The following PAX7 variants were observed in gnomAD, a reference collection of about 807,000 sequenced individuals.
The protein encoded by PAX7 is paired box protein Pax-7.
PAX7 carries 18 observed loss-of-function variants against 50.7 expected under a neutral mutation model. The observed-to-expected ratio is 0.36, with a 90% confidence interval of 0.25 to 0.53. The LOEUF is 0.53. Among genes scored for constraint, PAX7 ranks in the 20% least tolerant of loss-of-function variants. The pLI is 0.93. For synonymous variants in PAX7, 310 were observed against 290.4 expected, an observed-to-expected ratio of 1.07 and a Z score of -0.69; for missense variants, 644 against 702.9, an observed-to-expected ratio of 0.92 and a Z score of 0.95.
intron 4 of PAX7, among the ~76,000 whole-genome samples, chr1:18,685,601 A>C (rs2088962907): frequency 6.6e-6 from 1 of 152,194 alleles, no homozygotes; most frequent in South Asian, 2.1e-4. Flanking sequence ...GGAAGAGGGA[A>C]GGCACTCTGA....
At chr1:18,686,167 C>T (rs1006222074) in intron 4 of PAX7, among the ~76,000 whole-genome samples, 2 of 152,214 alleles carry the variant, frequency 1.3e-5, no homozygotes, top group Admixed American at 6.5e-5. Flanking sequence ...AAGGTGATAC[C>T]TCCTCCATCT....
chr1:18,657,268 G>C (rs2088536041), intron 4 of PAX7, among the ~76,000 whole-genome samples: 1 of 151,986 alleles, frequency 6.6e-6, no homozygotes, highest in Non-Finnish European at 1.5e-5. Context: ...GCTCCCAGGA[G>C]AGGGGCTGGG....
At chr1:18,710,732 C>A (rs546432460) in intron 7 of PAX7, among the ~76,000 whole-genome samples, 1 of 151,136 alleles carries the variant, frequency 6.6e-6, no homozygotes, top group Admixed American at 6.6e-5. Context: ...ACAATTACCC[C>A]CTCCTTCACA....
chr1:18,724,979 G>A (rs1282891224), intron 7 of PAX7, among the ~76,000 whole-genome samples: 1 of 152,190 alleles, frequency 6.6e-6, no homozygotes, highest in Non-Finnish European at 1.5e-5. Flanking sequence ...AGGAGGGGCT[G>A]GCAGTCCGCC....
At chr1:18,728,220 A>C (rs928659052) in intron 7 of PAX7, among the ~76,000 whole-genome samples, 2 of 151,864 alleles carry the variant, frequency 1.3e-5, no homozygotes, top group Non-Finnish European at 2.9e-5. Flanking sequence ...TGGGTGCGTG[A>C]GGGTCTGTGT....
chr1:18,731,823 A>G (rs2089650824), intron 7 of PAX7, among the ~76,000 whole-genome samples: 1 of 152,122 alleles, frequency 6.6e-6, no homozygotes, highest in African/African-American at 2.4e-5. Flanking sequence ...TTACGGGAAA[A>G]GCTCCCTGGA....
chr1:18,695,495 G>A (rs920532071), intron 5 of PAX7, among the ~76,000 whole-genome samples: 1 of 152,182 alleles, frequency 6.6e-6, no homozygotes, highest in East Asian at 1.9e-4. Flanking sequence ...GGTCACCAAA[G>A]AGTGGCCTGT....
rs61357866 is a variant in PAX7, at chr1:18,725,993, TGCGC to T, written c.1156-9629_1156-9626del. Among the ~76,000 whole-genome samples, 800 of 148,632 alleles carry T rather than the reference TGCGC, an allele frequency of 5.4e-3. 7 individuals are homozygous for T. The highest frequency in any genetic ancestry group is 0.019 in the African/African-American group (758 of 40,632). On this transcript the variant is annotated intron_variant, in intron 7 of 8. Coordinates refer to ENST00000420770, the MANE Select transcript of PAX7 (RefSeq NM_001135254.2). ...GACATTGGAAGAGTGTGTGTGTGTG[TGCGC>T]GCGCGCGCGTGCGCGCGTGTGTGTG... is the stretch of plus-strand genomic sequence containing the variant.
rs1038330110 is a variant in PAX7, at chr1:18,631,293, A to C, written c.-311A>C. On this transcript the variant is annotated 5_prime_UTR_variant, in exon 1 of 9. Coordinates refer to ENST00000420770, the MANE Select transcript of PAX7 (RefSeq NM_001135254.2). ...TCTGCCAGGCGCATCAGCCCGCACAACTTCTGGCCGAGGCCAGCCGGCAGA... is the reference window on the plus strand; with the variant it reads ...TCTGCCAGGCGCATCAGCCCGCACACCTTCTGGCCGAGGCCAGCCGGCAGA... 18 of 295,544 alleles carry C rather than the reference A, an allele frequency of 6.1e-5. No individual in the cohort carries two copies. Among genetic ancestry groups the C allele is most frequent in the Non-Finnish European group, 1.1e-4 (17 of 157,484 alleles). 18.3% of individuals were successfully genotyped at this position (295,544 alleles called of 1,614,324 possible).
At chr1:18,656,938 G>A (rs2088531143) in intron 4 of PAX7, among the ~76,000 whole-genome samples, 1 of 152,102 alleles carries the variant, frequency 6.6e-6, no homozygotes, top group Admixed American at 6.5e-5. Context: ...GTTGCAGTGA[G>A]CCGTGATCAC....
rs2089570598 is a variant in PAX7, at chr1:18,726,257, A to G, written c.1156-9375A>G. 2.0e-5 allele frequency among the ~76,000 whole-genome samples: 3 copies of G among 152,024 alleles called. No individual in the cohort carries two copies. The highest frequency in any genetic ancestry group is 6.6e-5 in the Admixed American group (1 of 15,266). On this transcript the variant is annotated intron_variant, in intron 7 of 8. Transcript: ENST00000420770. The surrounding 1 kb of genome is among the most constrained non-coding windows in gnomAD (Gnocchi z 4.8). Reference sequence around the variant, plus strand: ...CCACCTCACCTCTAGACAGTCCTTAACTAAAAGCCTCCAAGGACCCCTGGA... The same window carrying G: ...CCACCTCACCTCTAGACAGTCCTTAGCTAAAAGCCTCCAAGGACCCCTGGA...
chr1:18,744,345 G>A (rs1931304819), intron 8 of PAX7, among the ~76,000 whole-genome samples: 1 of 152,072 alleles, frequency 6.6e-6, no homozygotes, highest in African/African-American at 2.4e-5. Context: ...CCAGGGAGCT[G>A]GGCACAAAAT....
At chr1:18,640,070 G>C (rs1023529484) in intron 4 of PAX7, among the ~76,000 whole-genome samples, 1 of 151,994 alleles carries the variant, frequency 6.6e-6, no homozygotes, top group African/African-American at 2.4e-5. Context: ...CATCTGAGGT[G>C]GGGGGAGGAT....
At chr1:18,687,629 C>G (rs904607219) in intron 4 of PAX7, among the ~76,000 whole-genome samples, 1 of 152,018 alleles carries the variant, frequency 6.6e-6, no homozygotes, top group African/African-American at 2.4e-5. Context: ...AGTGGATGCT[C>G]TTTTTTAGGG....
intron 8 of PAX7, among the ~76,000 whole-genome samples, chr1:18,742,272 C>T (rs1158198884): frequency 6.6e-6 from 1 of 151,418 alleles, no homozygotes; most frequent in Non-Finnish European, 1.5e-5. Flanking sequence ...ATTCTCCTGC[C>T]TCAGCATCCC....
chr1:18,656,805 G>A (rs1350772356), intron 4 of PAX7, among the ~76,000 whole-genome samples: 1 of 151,958 alleles, frequency 6.6e-6, no homozygotes, highest in African/African-American at 2.4e-5. Context: ...GAGCAGCCTG[G>A]GTGACACGAA....
chr1:18,679,083 C>T (rs1404235756), intron 4 of PAX7, among the ~76,000 whole-genome samples: 2 of 152,226 alleles, frequency 1.3e-5, no homozygotes, highest in East Asian at 1.9e-4. Flanking sequence ...TCAAAGCACA[C>T]CAGCAGCGGT....
At chr1:18,744,310 T>A (rs1931303807) in intron 8 of PAX7, among the ~76,000 whole-genome samples, 8 of 152,158 alleles carry the variant, frequency 5.3e-5, no homozygotes, top group Admixed American at 5.2e-4. Context: ...ATGTGGGTAA[T>A]CTTCTGTGCC....
In PAX7 at chr1:18,726,002, G is replaced by A. The variant is rs539144942; in HGVS notation, c.1156-9630G>A. On this transcript the variant is annotated intron_variant, in intron 7 of 8. Transcript: ENST00000420770. The surrounding 1 kb of genome is among the most constrained non-coding windows in gnomAD (Gnocchi z 4.8). Reference sequence around the variant, plus strand: ...AGAGTGTGTGTGTGTGTGCGCGCGCGCGCGTGCGCGCGTGTGTGTGCGTGT... The same window carrying A: ...AGAGTGTGTGTGTGTGTGCGCGCGCACGCGTGCGCGCGTGTGTGTGCGTGT... Among the ~76,000 whole-genome samples, 87 of 150,912 alleles carry A rather than the reference G, an allele frequency of 5.8e-4. No homozygotes were observed. Among genetic ancestry groups the A allele is most frequent in the Admixed American group, 1.9e-3 (29 of 15,152 alleles).
Sources: allele counts gnomAD v4.1 joint callset (sites outside exome capture counted in the v4.1 genomes callset), GRCh38; gene constraint gnomAD v4.1.1; non-coding constraint Gnocchi (gnomAD v3.1); transcripts MANE v1.5; gene names NCBI Gene and HGNC (gene_info 2026-07-23, HGNC 2026-07-21).